The following MFN1 variants were observed in gnomAD, a reference collection of about 807,000 sequenced individuals.
MFN1 encodes mitofusin-1.
A neutral mutation model predicts 92.4 loss-of-function variants in MFN1; 65 were observed. That is an observed-to-expected ratio of 0.70 (90% CI 0.58 to 0.86). The LOEUF is 0.86. Ranked by LOEUF, MFN1 falls within the 40% of genes least tolerant of loss-of-function variation. The pLI is 0.00. For synonymous variants in MFN1, 297 were observed against 300.9 expected (o/e 0.99, Z 0.13); for missense variants, 781 against 868.0 (o/e 0.90, Z 1.26).
chr3:179,356,734 TTAG>T (rs1712357532), intron 3 of MFN1, among the ~76,000 whole-genome samples: 1 of 152,134 alleles, frequency 6.6e-6, no homozygotes, highest in Non-Finnish European at 1.5e-5. Context: ...TCTTGATTCT[TTAG>T]GTTCACAGTT....
At chr3:179,387,302 T>C (rs1169650265) in intron 16 of MFN1, among the ~76,000 whole-genome samples, 1 of 152,094 alleles carries the variant, frequency 6.6e-6, no homozygotes, top group East Asian at 1.9e-4. Context: ...TCCCAGCACA[T>C]TGGGAGGCTG....
At chr3:179,369,293 C>T (rs1007056987) in intron 9 of MFN1, among the ~76,000 whole-genome samples, 3 of 152,074 alleles carry the variant, frequency 2.0e-5, no homozygotes, top group Admixed American at 1.3e-4. Context: ...CGCATTGCAG[C>T]CTCGAACTCC....
chr3:179,378,738 C>G lies in MFN1; in HGVS notation c.1586C>G (p.Ser529Cys). ...GTATTTCGTTTTTCCCTGGGCTGGT[C>G]TTCCCTTGTACATCGATTTTTGGGC... is the stretch of plus-strand genomic sequence containing the variant. Reference protein sequence around the residue: ...DIVFRFSLGWSSLVHRFLGPR... With the variant: ...DIVFRFSLGWCSLVHRFLGPR... Residue 529 changes from serine (S) to cysteine (C), a missense_variant, in exon 14 of 18, where the codon TCT (serine) becomes TGT (cysteine). Physicochemically the swap from Ser to Cys is moderately radical, Grantham distance 112 (BLOSUM62 -1). Coordinates refer to ENST00000471841, the MANE Select transcript of MFN1 (RefSeq NM_033540.3). The G allele has an allele frequency of 6.2e-7, 1 of 1,614,036 alleles. No individual in the cohort carries two copies. The highest frequency in any genetic ancestry group is 2.2e-5 in the East Asian group (1 of 44,866).
At position 179,392,869 on chromosome 3, in the gene MFN1, A is replaced by ATATT. The variant is rs1239788911; in HGVS notation, c.*811_*814dup. Reference sequence around the variant, plus strand: ...GTTCTTCAGGAGGCATTTGCCTAGGATATTGCTGGATTATACCCCATTGGA... The same window carrying ATATT: ...GTTCTTCAGGAGGCATTTGCCTAGGATATTTATTGCTGGATTATACCCCATTGGA... On this transcript the variant is annotated 3_prime_UTR_variant, in exon 18 of 18. Transcript: ENST00000471841. The ATATT allele has an allele frequency of 6.6e-6, 1 of 152,196 alleles. No homozygotes were observed. Among genetic ancestry groups the ATATT allele is most frequent in the African/African-American group, 2.4e-5 (1 of 41,446 alleles). The allele number at this position is 152,196 out of a possible 1,614,324, so 9.4% of individuals were successfully genotyped here.
At chr3:179,382,523 A>G (rs1369053249) in intron 14 of MFN1, among the ~76,000 whole-genome samples, 13 of 152,244 alleles carry the variant, frequency 8.5e-5, no homozygotes, top group Non-Finnish European at 1.6e-4. Context: ...GTAGTGCTGC[A>G]GTAAACATAT....
chr3:179,349,575 C>T (rs188593007), intron 2 of MFN1, among the ~76,000 whole-genome samples: 5 of 149,940 alleles, frequency 3.3e-5, no homozygotes, highest in African/African-American at 4.9e-5. Flanking sequence ...GTGGCATGTT[C>T]TTGGCTCACT....
In MFN1 at chr3:179,387,530, A is replaced by T. The variant is rs1322125863; in HGVS notation, c.2012+901A>T. Among the ~76,000 whole-genome samples the T allele has an allele frequency of 2.0e-5, 3 of 149,178 alleles. No individual in the cohort carries two copies. In the East Asian group the frequency reaches 6.2e-4, roughly 31 times the overall value. Reference sequence around the variant, plus strand: ...CACTGAACTCCAGCCTGGGCGACAGAGTGAGAGACTATGTCTCAAAAATAA... The same window carrying T: ...CACTGAACTCCAGCCTGGGCGACAGTGTGAGAGACTATGTCTCAAAAATAA... On this transcript the variant is annotated intron_variant, in intron 16 of 17. Transcript: ENST00000471841.
At position 179,394,900 on chromosome 3, in the gene MFN1, G is replaced by A. The variant is rs190107684; in HGVS notation, c.*2841G>A. Reference sequence around the variant, plus strand: ...AAATTTTTTTTCAGTATGCAAGCTTGCAAGATGAAAATAAAACCTGTTTGC... The same window carrying A: ...AAATTTTTTTTCAGTATGCAAGCTTACAAGATGAAAATAAAACCTGTTTGC... On this transcript the variant is annotated 3_prime_UTR_variant, in exon 18 of 18. Coordinates refer to ENST00000471841, the MANE Select transcript of MFN1 (RefSeq NM_033540.3). 8 of 152,290 alleles carry A rather than the reference G, an allele frequency of 5.3e-5. No homozygotes were observed. Among genetic ancestry groups the A allele is most frequent in the African/African-American group, 1.4e-4 (6 of 41,564 alleles). The allele number at this position is 152,290 out of a possible 1,614,324, so 9.4% of individuals were successfully genotyped here. A position where few individuals can be genotyped will look rare whatever the true frequency, so the allele number is the denominator to read the frequency against.
intron 14 of MFN1, among the ~76,000 whole-genome samples, chr3:179,380,370 G>A (rs1235494137): frequency 6.6e-6 from 1 of 152,192 alleles, no homozygotes; most frequent in Non-Finnish European, 1.5e-5. Context: ...AATGCAGCAG[G>A]CATAAATGTG....
At chr3:179,368,164 A>G in intron 9 of MFN1, 61 bp downstream of exon 9, 1 of 1,292,292 alleles carries the variant, frequency 7.7e-7, no homozygotes, top group Non-Finnish European at 1.0e-6. Flanking sequence ...GAGAAAGCAT[A>G]ATCTTCTATT....
At chr3:179,376,550 G>A (rs1432218095) in intron 10 of MFN1, among the ~76,000 whole-genome samples, 1 of 152,116 alleles carries the variant, frequency 6.6e-6, no homozygotes, top group Non-Finnish European at 1.5e-5. Context: ...AAAAGAGCCA[G>A]ATAGTAAATA....
At chr3:179,356,983 G>T (rs1712368703) in intron 3 of MFN1, among the ~76,000 whole-genome samples, 1 of 152,124 alleles carries the variant, frequency 6.6e-6, no homozygotes, top group Middle Eastern at 3.2e-3. Flanking sequence ...TAAGGTTTTT[G>T]GAGTACCCAA....
intron 15 of MFN1, 89 bp from the exon 16 acceptor site, chr3:179,386,344 A>C (rs531754993): frequency 9.8e-7 from 1 of 1,018,002 alleles, no homozygotes; most frequent in African/African-American, 1.6e-5. Flanking sequence ...ATCTAACTCA[A>C]AGATCCATAG....
intron 14 of MFN1, among the ~76,000 whole-genome samples, chr3:179,379,802 A>G (rs917353106): frequency 6.6e-6 from 1 of 152,238 alleles, no homozygotes; most frequent in Non-Finnish European, 1.5e-5. Flanking sequence ...TTACAGAAGA[A>G]TGATGTTGGA....
chr3:179,389,690 G>A lies in MFN1; in HGVS notation c.2013-314G>A, dbSNP rs371913164. On this transcript the variant is annotated intron_variant, in intron 16 of 17. Transcript: ENST00000471841. ...TGCATGGAATTTTTTTTCTGTTCTT[G>A]ATAATTTCTTACTTTGCGCAGGGCC... is the stretch of plus-strand genomic sequence containing the variant. Among the ~76,000 whole-genome samples, 24 of 152,046 alleles carry A rather than the reference G, an allele frequency of 1.6e-4. No homozygotes were observed. The East Asian group carries it at 3.9e-3, about 24-fold the overall frequency.
At chr3:179,375,522 C>T (rs887270097) in intron 10 of MFN1, among the ~76,000 whole-genome samples, 181 bp downstream of exon 10, 1 of 152,198 alleles carries the variant, frequency 6.6e-6, no homozygotes, top group Admixed American at 6.5e-5. Flanking sequence ...ATTTATTCTG[C>T]AACCTTGCAC....
intron 14 of MFN1, among the ~76,000 whole-genome samples, chr3:179,384,065 CAT>C (rs1175298046): frequency 2.6e-5 from 4 of 152,160 alleles, no homozygotes; most frequent in Admixed American, 6.5e-5. Context: ...TAAATGCAAT[CAT>C]ATAGAATGTG....
In MFN1 at chr3:179,374,780, T is replaced by A. The variant is rs536604436; in HGVS notation, c.976-440T>A. Among the ~76,000 whole-genome samples the A allele has an allele frequency of 3.3e-5, 5 of 152,326 alleles. No individual in the cohort carries two copies. The East Asian group carries it at 9.6e-4, about 29-fold the overall frequency. ...CAGGAATCATTGTATCATTCAGCTA[T>A]TAAATAAGGAATTGTTCTAATTCAC... On this transcript the variant is annotated intron_variant, in intron 9 of 17. Coordinates refer to ENST00000471841, the MANE Select transcript of MFN1 (RefSeq NM_033540.3).
At position 179,378,344 on chromosome 3, in the gene MFN1, TTAAA is replaced by T; in HGVS notation, c.1337_1340del (p.Asn446SerfsTer3). 6.3e-7 allele frequency: 1 copy of T among 1,585,732 alleles called. No individual in the cohort carries two copies. Among genetic ancestry groups the T allele is most frequent in the Non-Finnish European group, 8.5e-7 (1 of 1,169,788 alleles). ...GGATATTTACCATTGTTAACAGGAA[TTAAA>T]TAAGCACATAGAGGATGGTATGGGA... is the stretch of plus-strand genomic sequence containing the variant. On this transcript the variant is annotated frameshift_variant, in exon 13 of 18. Transcript: ENST00000471841. LOFTEE classifies it high-confidence loss of function.
Sources: gnomAD v4.1 joint callset for allele counts (sites outside exome capture counted in the v4.1 genomes callset) on GRCh38, gnomAD v4.1.1 for gene constraint, MANE v1.5 for transcripts, NCBI Gene and HGNC (gene_info 2026-07-23, HGNC 2026-07-21) for gene names.